NTRK3: variants seen among roughly 807,000 people sequenced by gnomAD.
NTRK3 encodes the protein neurotrophic receptor tyrosine kinase 3.
Under a neutral mutation model 91.7 loss-of-function variants are expected in NTRK3, and 24 were observed. That is an observed-to-expected ratio of 0.26 (90% CI 0.19 to 0.37). NTRK3 has a LOEUF of 0.37. Among genes scored for constraint, NTRK3 ranks in the 10% least tolerant of loss-of-function variants. The pLI is 1.00. For synonymous variants in NTRK3, 483 were observed against 404.0 expected (o/e 1.20, Z -2.34); for missense variants, 880 against 1,068.9 (o/e 0.82, Z 2.46).
At chr15:87,900,692 T>G (rs889548010) in intron 17 of NTRK3, among the ~76,000 whole-genome samples, 8 of 132,448 alleles carry the variant, frequency 6.0e-5, no homozygotes, top group African/African-American at 8.4e-5. Flanking sequence ...TTACAGAGGG[T>G]GTGTGTGTGT....
chr15:87,988,051 G>A lies in NTRK3; in HGVS notation c.1585+44806C>T, dbSNP rs1001172106. Among the ~76,000 whole-genome samples the A allele has an allele frequency of 7.9e-5, 12 of 152,098 alleles. No individual in the cohort carries two copies. In the South Asian group the frequency reaches 8.3e-4, roughly 11 times the overall value. ...TTATTGGCTTACTTCCAAAGTATAC[G>A]GAAAGAGGGAGAATGTAGTTTTGCA... On this transcript the variant is annotated intron_variant, in intron 14 of 18. Transcript: ENST00000394480.
chr15:88,067,762 A>G (rs1002829221), intron 13 of NTRK3, among the ~76,000 whole-genome samples: 1 of 152,162 alleles, frequency 6.6e-6, no homozygotes, highest in Non-Finnish European at 1.5e-5. Context: ...CTCTTATTTG[A>G]GCTCTCAGTC....
At chr15:87,892,211 A>G (rs375079637) in intron 17 of NTRK3, among the ~76,000 whole-genome samples, 3 of 152,174 alleles carry the variant, frequency 2.0e-5, no homozygotes, top group East Asian at 1.9e-4. Flanking sequence ...GGAACTGTAT[A>G]AAATACTGGT....
intron 13 of NTRK3, among the ~76,000 whole-genome samples, chr15:88,086,197 G>C (rs765744109): frequency 6.6e-6 from 1 of 152,192 alleles, no homozygotes; most frequent in African/African-American, 2.4e-5. Context: ...CACGACTGCA[G>C]ATATTGCACA....
intron 5 of NTRK3, among the ~76,000 whole-genome samples, chr15:88,164,274 C>T (rs2044731962): frequency 6.6e-6 from 1 of 152,210 alleles, no homozygotes; most frequent in African/African-American, 2.4e-5. Context: ...CCACCTGGTC[C>T]AAGACAGGCA....
At position 87,978,865 on chromosome 15, in the gene NTRK3, T is replaced by C. The variant is rs549128744; in HGVS notation, c.1586-38112A>G. ...GGTGCTCTCTGTGACTCTTCCCCAC[T>C]GGAGGTTGCAGGGCGACGAGGTCAC... On this transcript the variant is annotated intron_variant, in intron 14 of 18. Transcript: ENST00000394480. 8.0e-5 allele frequency: 21 copies of C among 261,600 alleles called. No homozygotes were observed. The South Asian group carries it at 2.3e-3, about 29-fold the overall frequency. 16.2% of individuals were successfully genotyped at this position (261,600 alleles called of 1,614,324 possible). A position where few individuals can be genotyped will look rare whatever the true frequency, so the allele number is the denominator to read the frequency against.
chr15:88,216,510 G>A (rs1207960794), intron 3 of NTRK3, among the ~76,000 whole-genome samples: 1 of 152,182 alleles, frequency 6.6e-6, no homozygotes, highest in Non-Finnish European at 1.5e-5. Flanking sequence ...TGGCAGGGAG[G>A]CGATTCTGCA....
At chr15:88,097,732 A>G (rs1330091828) in intron 13 of NTRK3, among the ~76,000 whole-genome samples, 1 of 152,240 alleles carries the variant, frequency 6.6e-6, no homozygotes, top group Admixed American at 6.5e-5. Flanking sequence ...GGTTATAATG[A>G]TTACATAATA....
At position 88,110,536 on chromosome 15, in the gene NTRK3, G is replaced by A. The variant is rs192669271; in HGVS notation, c.1396+15735C>T. ...GCCCTTTGGGTGCAATGCCCAAGGG[G>A]CCCAGAGGACATTTATGCACCCTAT... is the stretch of plus-strand genomic sequence containing the variant. On this transcript the variant is annotated intron_variant, in intron 13 of 18. Transcript: ENST00000394480. 2.0e-5 allele frequency among the ~76,000 whole-genome samples: 3 copies of A among 152,320 alleles called. No homozygotes were observed. The East Asian group carries it at 5.8e-4, about 29-fold the overall frequency.
At chr15:88,195,729 C>T (rs2047759636) in intron 3 of NTRK3, among the ~76,000 whole-genome samples, 1 of 152,166 alleles carries the variant, frequency 6.6e-6, no homozygotes, top group Non-Finnish European at 1.5e-5. Flanking sequence ...AAAACAGCCT[C>T]GGGCAGGGAG....
chr15:88,052,579 G>T (rs2045323093), intron 13 of NTRK3, among the ~76,000 whole-genome samples: 1 of 152,196 alleles, frequency 6.6e-6, no homozygotes, highest in Non-Finnish European at 1.5e-5. Flanking sequence ...CTACAGCCAT[G>T]CATTGTATGA....
At chr15:87,889,614 C>T (rs2065746163) in intron 17 of NTRK3, among the ~76,000 whole-genome samples, 1 of 151,872 alleles carries the variant, frequency 6.6e-6, no homozygotes, top group Non-Finnish European at 1.5e-5. Context: ...AATGCATGGG[C>T]TGAGTTGAAT....
chr15:87,865,985 C>G lies in NTRK3; in HGVS notation c.*10950G>C, dbSNP rs115743146. ...AGCGGCTCTCAGTCACTCAGCTCAGCACCCAGCAAGACTGTATGCAACTGC... is the reference window on the plus strand; with the variant it reads ...AGCGGCTCTCAGTCACTCAGCTCAGGACCCAGCAAGACTGTATGCAACTGC... On this transcript the variant is annotated 3_prime_UTR_variant, in exon 19 of 19. Coordinates refer to ENST00000394480, the Ensembl canonical transcript of NTRK3. The G allele has an allele frequency of 3.9e-3, 906 of 231,588 alleles. 6 individuals are homozygous for G. The highest frequency in any genetic ancestry group is 0.019 in the African/African-American group (859 of 45,368). The allele number at this position is 231,588 out of a possible 1,614,324, so 14.3% of individuals were successfully genotyped here.
chr15:87,916,372 G>A (rs947322130), intron 17 of NTRK3: 5 of 528,468 alleles, frequency 9.5e-6, no homozygotes, highest in African/African-American at 1.9e-5. Context: ...TGACACATCC[G>A]TAAGGGCCCT....
intron 14 of NTRK3, chr15:87,977,319 T>G (rs1187375485): frequency 5.5e-6 from 1 of 181,286 alleles, no homozygotes; most frequent in East Asian, 9.1e-5. Context: ...TTCTGTATTT[T>G]GAATGTTTTT....
At chr15:88,012,665 CTAAA>C (rs1567226807) in intron 14 of NTRK3, among the ~76,000 whole-genome samples, 2 of 152,254 alleles carry the variant, frequency 1.3e-5, no homozygotes, top group African/African-American at 2.4e-5. Flanking sequence ...TAAATGTTTA[CTAAA>C]TAAATAAATG....
At chr15:88,001,963 A>G (rs923721524) in intron 14 of NTRK3, among the ~76,000 whole-genome samples, 4 of 152,110 alleles carry the variant, frequency 2.6e-5, no homozygotes, top group African/African-American at 9.7e-5. Context: ...TCCAATCAAT[A>G]TACATACATA....
chr15:88,054,729 T>G (rs1194446985), intron 13 of NTRK3, among the ~76,000 whole-genome samples: 45 of 151,982 alleles, frequency 3.0e-4, no homozygotes, highest in Admixed American at 2.9e-3. Flanking sequence ...TATATAGAAA[T>G]GCTCCTAGCT....
At chr15:87,872,088 A>G (rs1596039257) in exon 19 of NTRK3, 1 of 222,126 alleles carries the variant, frequency 4.5e-6, no homozygotes, top group Admixed American at 5.7e-5. Context: ...TCTCTAAGGC[A>G]AATGCCCTTG....
Sources: allele counts gnomAD v4.1 joint callset (sites outside exome capture counted in the v4.1 genomes callset), GRCh38; gene constraint gnomAD v4.1.1; transcripts MANE v1.5; gene names NCBI Gene and HGNC (gene_info 2026-07-23, HGNC 2026-07-21).